The following BAZ2B variants were observed in gnomAD, a reference collection of about 807,000 sequenced individuals.
BAZ2B encodes the protein bromodomain adjacent to zinc finger domain 2B.
A neutral mutation model predicts 246.0 loss-of-function variants in BAZ2B; 91 were observed. The observed-to-expected ratio is 0.37, with a 90% CI of 0.31 to 0.44. The LOEUF (loss-of-function observed/expected upper bound fraction) is 0.44, where lower values mean the gene tolerates loss of function less well. BAZ2B is among the 20% of genes least tolerant of loss of function. BAZ2B has a pLI of 1.00. For synonymous variants in BAZ2B, 855 were observed against 860.0 expected (o/e 0.99, Z 0.10); for missense variants, 2,332 against 2,533.7 (o/e 0.92, Z 1.71).
chr2:159,341,353 C>T (rs2066678869), intron 31 of BAZ2B, among the ~76,000 whole-genome samples: 1 of 152,116 alleles, frequency 6.6e-6, no homozygotes, highest in African/African-American at 2.4e-5. Flanking sequence ...AATATATATG[C>T]ACTCAATAAC....
At chr2:159,602,570 A>C (rs1453053746) in intron 1 of BAZ2B, among the ~76,000 whole-genome samples, 1 of 152,192 alleles carries the variant, frequency 6.6e-6, no homozygotes. Flanking sequence ...ATACTATACA[A>C]TGATTGTACA....
chr2:159,579,138 G>C (rs911545567), intron 1 of BAZ2B, among the ~76,000 whole-genome samples: 1 of 152,036 alleles, frequency 6.6e-6, no homozygotes, highest in Non-Finnish European at 1.5e-5. Context: ...TCCAGCAGCT[G>C]GTTTTTTGAA....
At chr2:159,360,525 G>A (rs1055000117) in intron 27 of BAZ2B, among the ~76,000 whole-genome samples, 2 of 152,032 alleles carry the variant, frequency 1.3e-5, no homozygotes, top group Non-Finnish European at 2.9e-5. Flanking sequence ...TGGCCATATT[G>A]CCCAAAGTAA....
Position 159,320,436 on chromosome 2 carries a change from A to C in BAZ2B, c.6354-18T>G. ...TTGGATACCTGAAAGAAAACAAATAATTAGAGATTGCGTTCATAGAGTGGA... is the reference window on the plus strand; with the variant it reads ...TTGGATACCTGAAAGAAAACAAATACTTAGAGATTGCGTTCATAGAGTGGA... On this transcript the variant is annotated intron_variant, in intron 36 of 36. Coordinates refer to ENST00000392783, the MANE Select transcript of BAZ2B (RefSeq NM_013450.4). 1 of 1,535,932 alleles carries C rather than the reference A, an allele frequency of 6.5e-7. No homozygotes were observed. Among genetic ancestry groups the C allele is most frequent in the Non-Finnish European group, 8.7e-7 (1 of 1,148,444 alleles).
At chr2:159,609,413 T>C (rs984668134) in intron 1 of BAZ2B, among the ~76,000 whole-genome samples, 1 of 152,236 alleles carries the variant, frequency 6.6e-6, no homozygotes, top group African/African-American at 2.4e-5. Flanking sequence ...AAAAGTATTA[T>C]ACTACTTTTC....
chr2:159,526,782 G>GT (rs946460414), intron 2 of BAZ2B, among the ~76,000 whole-genome samples: 1 of 152,132 alleles, frequency 6.6e-6, no homozygotes, highest in African/African-American at 2.4e-5. Flanking sequence ...TTTAGGTTTA[G>GT]TAAGGAGGTG....
chr2:159,711,042 T>C, the BAZ2B span: 1 of 152,196 alleles, frequency 6.6e-6, no homozygotes, highest in Non-Finnish European at 1.5e-5. Context: ...GGTACTGTTA[T>C]TAACCCCGTT....
chr2:159,339,306 G>C (rs964524754), intron 31 of BAZ2B, among the ~76,000 whole-genome samples: 1 of 152,064 alleles, frequency 6.6e-6, no homozygotes, highest in African/African-American at 2.4e-5. Flanking sequence ...ATGAGGATGA[G>C]ATAGTTCCTG....
rs1158153180 is a variant in BAZ2B, at chr2:159,438,995, G to A, written c.900+14C>T. On this transcript the variant is annotated intron_variant, in intron 7 of 36. Transcript: ENST00000392783. ...TGAATAATGTTTGGATACTGTCCAT[G>A]AAAAAAATTATACCTGGTTGTTACT... 14 of 1,610,010 alleles carry A rather than the reference G, an allele frequency of 8.7e-6. No homozygotes were observed. The Admixed American group carries it at 2.3e-4, about 27-fold the overall frequency.
At chr2:159,427,401 T>C (rs1047964272) in intron 13 of BAZ2B, among the ~76,000 whole-genome samples, 7 of 152,118 alleles carry the variant, frequency 4.6e-5, no homozygotes, top group Admixed American at 3.3e-4. Context: ...TACCACTTAA[T>C]GTAAAAACTG....
At chr2:159,675,221 A>C in the BAZ2B span, among the ~76,000 whole-genome samples, 1 of 152,146 alleles carries the variant, frequency 6.6e-6, no homozygotes, top group Non-Finnish European at 1.5e-5. Context: ...TATTATAATA[A>C]GTAAATTAAA....
intron 13 of BAZ2B, among the ~76,000 whole-genome samples, chr2:159,417,343 G>T (rs2067918516): frequency 6.6e-6 from 1 of 151,966 alleles, no homozygotes; most frequent in Non-Finnish European, 1.5e-5. Flanking sequence ...GCTAATTTTT[G>T]TATTTTTAGT....
At chr2:159,514,007 G>A (rs1239806367) in intron 2 of BAZ2B, among the ~76,000 whole-genome samples, 1 of 152,066 alleles carries the variant, frequency 6.6e-6, no homozygotes, top group East Asian at 1.9e-4. Flanking sequence ...ACTTTCCAAA[G>A]GTATCCACAT....
intron 3 of BAZ2B, among the ~76,000 whole-genome samples, chr2:159,473,488 T>G (rs1485921614): frequency 6.6e-6 from 1 of 152,156 alleles, no homozygotes; most frequent in African/African-American, 2.4e-5. Flanking sequence ...GCAGTCTATT[T>G]TGTTGATCTT....
intron 4 of BAZ2B, among the ~76,000 whole-genome samples, chr2:159,449,631 T>C (rs1466699477): frequency 6.6e-6 from 1 of 152,204 alleles, no homozygotes; most frequent in Non-Finnish European, 1.5e-5. Context: ...CTGCAAAAGC[T>C]ATTCTTCTGC....
Position 159,348,762 on chromosome 2 carries a change from T to G in BAZ2B, c.5209A>C (p.Arg1737=), listed in dbSNP as rs561408085. The change falls in exon 30 of 37, where the codon AGA becomes CGA. Residue 1737 remains arginine, a synonymous_variant. Transcript: ENST00000392783. ...TGTAATGCCTTTTCTCTTATTCCTCTGAGATGCAGCACTTTGAGCAAAGCT... is the reference window on the plus strand; with the variant it reads ...TGTAATGCCTTTTCTCTTATTCCTCGGAGATGCAGCACTTTGAGCAAAGCT... ...LKALLKVLHL[R]GIREKALQKQ... 3.1e-6 allele frequency: 5 copies of G among 1,613,520 alleles called. No homozygotes were observed. Among genetic ancestry groups the G allele is most frequent in the Non-Finnish European group, 4.2e-6 (5 of 1,179,846 alleles).
chr2:159,324,440 G>C (rs915393634), intron 36 of BAZ2B, among the ~76,000 whole-genome samples: 1 of 152,014 alleles, frequency 6.6e-6, no homozygotes, highest in Non-Finnish European at 1.5e-5. Flanking sequence ...ATACTCCATG[G>C]ATGCAAAATA....
rs548321304 is a variant in BAZ2B, at chr2:159,553,810, A to G, written c.-3+2013T>C. ...CATAATATAATCTCCCTCTCTAACC[A>G]TAACATTTTACTTTTAGTTCTTACT... On this transcript the variant is annotated intron_variant, in intron 2 of 36. Coordinates refer to ENST00000392783, the MANE Select transcript of BAZ2B (RefSeq NM_013450.4). 6.6e-4 allele frequency among the ~76,000 whole-genome samples: 100 copies of G among 152,262 alleles called. No homozygotes were observed. The Middle Eastern group carries it at 0.017, about 26-fold the overall frequency.
the BAZ2B span, among the ~76,000 whole-genome samples, chr2:159,653,359 C>A: frequency 6.6e-6 from 1 of 152,320 alleles, no homozygotes; most frequent in South Asian, 2.1e-4. Context: ...AAAATCATTT[C>A]TACAACATTT....
Sources: gnomAD v4.1 joint callset for allele counts (sites outside exome capture counted in the v4.1 genomes callset) on GRCh38, gnomAD v4.1.1 for gene constraint, MANE v1.5 for transcripts, NCBI Gene and HGNC (gene_info 2026-07-23, HGNC 2026-07-21) for gene names.